The following CFAP54 variants were observed in gnomAD, a reference collection of about 807,000 sequenced individuals.
The protein encoded by CFAP54 is cilia and flagella associated protein 54, also known as cilia- and flagella-associated protein 54.
A neutral mutation model predicts 370.4 loss-of-function variants in CFAP54; 290 were observed. The ratio of observed to expected loss-of-function variants is 0.78; its 90% CI spans 0.71 to 0.86. The LOEUF (loss-of-function observed/expected upper bound fraction) is 0.86. Ranked by LOEUF, CFAP54 falls within the 40% of genes least tolerant of loss-of-function variation. CFAP54 has a pLI of 0.00. For synonymous variants in CFAP54, 1,206 were observed against 1,236.5 expected, an observed-to-expected ratio of 0.98 and a Z score of 0.52; for missense variants, 3,399 against 3,528.7, an observed-to-expected ratio of 0.96 and a Z score of 0.93.
At chr12:96,809,208 C>A (rs1282216548) in intron 63 of CFAP54, among the ~76,000 whole-genome samples, 3 of 152,120 alleles carry the variant, frequency 2.0e-5, no homozygotes, top group Non-Finnish European at 4.4e-5. Context: ...GTGGCCCTTT[C>A]AAAATGGAAA....
chr12:96,784,486 C>T (rs1227125715), intron 60 of CFAP54, among the ~76,000 whole-genome samples: 2 of 151,258 alleles, frequency 1.3e-5, no homozygotes, highest in African/African-American at 2.4e-5. Context: ...AAAGTGTTTA[C>T]ACATTAAAGA....
In CFAP54 at chr12:96,739,968, A is replaced by G. The variant is rs1232429332; in HGVS notation, c.6978A>G (p.Val2326=). 31 of 1,559,836 alleles carry G rather than the reference A, an allele frequency of 2.0e-5. No homozygotes were observed. The highest frequency in any genetic ancestry group is 2.7e-5 in the Non-Finnish European group (31 of 1,136,270). The change falls in exon 51 of 68, where the codon GTA becomes GTG. Residue 2326 remains valine (V), a synonymous_variant. Transcript: ENST00000524981. ...RHRAAYSAAI[V]FSTLTLLQDS... ...TTTTCTATTTTAGTGCTGCAATAGT[A>G]TTTTCTACACTTACACTTCTCCAGG...
chr12:96,539,073 TTTTTGTTTTTG>T (rs982813413), intron 13 of CFAP54, among the ~76,000 whole-genome samples: 19 of 137,414 alleles, frequency 1.4e-4, no homozygotes, highest in Non-Finnish European at 2.8e-4. Context: ...GGTTTTTTTT[TTTTTGTTTTTG>T]TTTTTGAGAT....
chr12:96,607,833 A>AC (rs904916307), intron 26 of CFAP54, among the ~76,000 whole-genome samples: 3 of 152,110 alleles, frequency 2.0e-5, no homozygotes, highest in Admixed American at 6.5e-5. Context: ...AGAAGTTAAA[A>AC]CACTGGAGCA....
chr12:96,519,910 T>G (rs1374988045), intron 6 of CFAP54, among the ~76,000 whole-genome samples: 1 of 152,250 alleles, frequency 6.6e-6, no homozygotes, highest in East Asian at 1.9e-4. Context: ...ACTTTGCTCT[T>G]GAATACAAGC....
At chr12:96,790,339 CAA>C (rs200401080) in intron 62 of CFAP54, among the ~76,000 whole-genome samples, 2 of 124,924 alleles carry the variant, frequency 1.6e-5, no homozygotes, top group Admixed American at 7.8e-5. Flanking sequence ...TTTCAAAGAA[CAA>C]AAAAAAAAAA....
intron 39 of CFAP54, among the ~76,000 whole-genome samples, chr12:96,667,675 A>G (rs1957097607): frequency 6.6e-6 from 1 of 152,130 alleles, no homozygotes; most frequent in African/African-American, 2.4e-5. Flanking sequence ...TGGGTCTGTG[A>G]TGGGAGGGGC....
At chr12:96,521,504 G>A (rs1955314042) in intron 6 of CFAP54, among the ~76,000 whole-genome samples, 2 of 34,110 alleles carry the variant, frequency 5.9e-5, no homozygotes, top group African/African-American at 1.2e-4. Context: ...AACTGAGGAC[G>A]TGTGTGTGTG....
intron 23 of CFAP54, among the ~76,000 whole-genome samples, chr12:96,591,890 C>CAA (rs754624061): frequency 3.2e-5 from 3 of 92,712 alleles, no homozygotes; most frequent in African/African-American, 1.3e-4. Flanking sequence ...AACTCCGTCT[C>CAA]AAAAAAAAAA....
intron 20 of CFAP54, among the ~76,000 whole-genome samples, chr12:96,579,741 T>C (rs911365232): frequency 6.6e-6 from 1 of 152,122 alleles, no homozygotes; most frequent in Non-Finnish European, 1.5e-5. Flanking sequence ...GTAGGGAGAA[T>C]AGTTCATTCC....
intron 67 of CFAP54, among the ~76,000 whole-genome samples, chr12:96,865,231 A>G (rs1959972195): frequency 1.3e-5 from 2 of 152,236 alleles, no homozygotes; most frequent in Non-Finnish European, 2.9e-5. Flanking sequence ...TGGCATAGTC[A>G]TACAAGAGAA....
At chr12:96,607,743 T>C (rs1387650911) in intron 26 of CFAP54, among the ~76,000 whole-genome samples, 1 of 151,676 alleles carries the variant, frequency 6.6e-6, no homozygotes, top group Non-Finnish European at 1.5e-5. Flanking sequence ...TAAAGTTTTG[T>C]GACCCAAAGA....
chr12:96,629,464 C>A (rs1395267235), intron 30 of CFAP54, among the ~76,000 whole-genome samples: 2 of 142,464 alleles, frequency 1.4e-5, no homozygotes, highest in African/African-American at 5.0e-5. Context: ...TGCCACCACG[C>A]CCAACTAATT....
At chr12:96,506,200 G>A (rs564711045) in intron 3 of CFAP54, among the ~76,000 whole-genome samples, 7 of 152,078 alleles carry the variant, frequency 4.6e-5, no homozygotes, top group Admixed American at 1.3e-4. Flanking sequence ...GTAACCAGGC[G>A]TGGTGGCGGG....
chr12:96,725,733 G>A (rs1412425425), intron 50 of CFAP54, among the ~76,000 whole-genome samples: 3 of 152,094 alleles, frequency 2.0e-5, no homozygotes, highest in Non-Finnish European at 4.4e-5. Context: ...GTGGTGAGAG[G>A]GGGCATCCCT....
intron 26 of CFAP54, among the ~76,000 whole-genome samples, chr12:96,609,537 T>A (rs1592880276): frequency 6.6e-6 from 1 of 152,130 alleles, no homozygotes; most frequent in Non-Finnish European, 1.5e-5. Context: ...AGGAAATAGA[T>A]GCTGACTCCT....
chr12:96,489,833 G>A lies in CFAP54; in HGVS notation c.224G>A (p.Cys75Tyr). Residue 75 changes from cysteine to tyrosine, a missense_variant, in exon 1 of 68, where the codon TGT becomes TAT. Physicochemically the swap from Cys to Tyr is radical, Grantham distance 194. Around this residue, in one of 3 missense-constraint regions of CFAP54, gnomAD observed 559 missense variants for 576.7 expected, o/e 0.97. Coordinates refer to ENST00000524981, the MANE Select transcript of CFAP54 (RefSeq NM_001306084.2). ...GCGAAAAACCCGCTCCTGGCCTCTT[G>A]TGAGAAGGAGATCCAGGAGTTGTTA... ...LDAKNPLLAS[C>Y]EKEIQELLGF... 2 of 1,536,152 alleles carry A rather than the reference G, an allele frequency of 1.3e-6. No individual in the cohort carries two copies. The highest frequency in any genetic ancestry group is 1.7e-6 in the Non-Finnish European group (2 of 1,146,910).
intron 60 of CFAP54, among the ~76,000 whole-genome samples, chr12:96,768,811 A>G (rs1230170792): frequency 6.6e-6 from 1 of 152,246 alleles, no homozygotes. Flanking sequence ...AGGATGGCAT[A>G]TGAGTTAATT....
At chr12:96,839,672 T>C (rs1047148078) in intron 66 of CFAP54, among the ~76,000 whole-genome samples, 1 of 152,240 alleles carries the variant, frequency 6.6e-6, no homozygotes, top group Non-Finnish European at 1.5e-5. Context: ...AGTAAGTTAT[T>C]TCTGCTCCAA....
Sources: allele counts gnomAD v4.1 joint callset (sites outside exome capture counted in the v4.1 genomes callset), GRCh38; gene constraint gnomAD v4.1.1; regional missense constraint gnomAD v4.1.1; transcripts MANE v1.5; gene names NCBI Gene and HGNC (gene_info 2026-07-23, HGNC 2026-07-21).